Variants in COL4A5 observed in about 807,000 individuals in gnomAD.
COL4A5 encodes the protein collagen alpha-5(IV) chain.
A neutral mutation model predicts 130.2 loss-of-function variants in COL4A5; 26 were observed. The observed-to-expected ratio is 0.20, with a 90% CI of 0.15 to 0.28. COL4A5 has a LOEUF of 0.28. Ranked by LOEUF, COL4A5 falls within the 10% of genes least tolerant of loss-of-function variation. COL4A5 has a pLI of 1.00. For synonymous variants in COL4A5, 496 were observed against 439.6 expected (o/e 1.13, Z -1.60); for missense variants, 1,131 against 1,344.3 (o/e 0.84, Z 2.48).
chrX:108,655,571 G>C, intron 37 of COL4A5, 114 bp downstream of exon 37: 1 of 851,426 alleles, frequency 1.2e-6, no homozygotes, highest in Non-Finnish European at 1.7e-6. Context: ...ATCAGATACT[G>C]ACTAGCAACA....
At chrX:108,506,710 C>T (rs1015857382) in intron 1 of COL4A5, among the ~76,000 whole-genome samples, 1 of 110,859 alleles carries the variant, frequency 9.0e-6, no homozygotes. Context: ...CCTAATGGTA[C>T]GATTTGGTTC....
intron 1 of COL4A5, among the ~76,000 whole-genome samples, chrX:108,487,511 A>G (rs1326065046): frequency 9.1e-6 from 1 of 110,380 alleles, no homozygotes; most frequent in Admixed American, 9.6e-5. Context: ...AGATGGTATC[A>G]CATGGTGGTT....
chrX:108,492,276 TTC>T (rs1274008609), intron 1 of COL4A5, among the ~76,000 whole-genome samples: 4 of 111,750 alleles, frequency 3.6e-5, no homozygotes, highest in African/African-American at 1.3e-4. Flanking sequence ...TTTAGGAAAT[TTC>T]TGTTTCAAAT....
At position 108,604,064 on chromosome X, in the gene COL4A5, A is replaced by G. The variant is rs140266754; in HGVS notation, c.2244+1003A>G. Among the ~76,000 whole-genome samples the G allele has an allele frequency of 5.1e-3, 571 of 112,111 alleles. 1 individual carries two copies. Among genetic ancestry groups the G allele is most frequent in the Non-Finnish European group, 7.5e-3 (399 of 53,210 alleles). On this transcript the variant is annotated intron_variant, in intron 28 of 52. Transcript: ENST00000328300. Reference sequence around the variant, plus strand: ...AGTTACTTACTCCATTGAAGTCTTGAAACCCTCAAAGTCATCTGTGAGAGT... The same window carrying G: ...AGTTACTTACTCCATTGAAGTCTTGGAACCCTCAAAGTCATCTGTGAGAGT...
At position 108,439,908 on chromosome X, in the gene COL4A5, C is replaced by T; in HGVS notation, c.-218C>T. 5 of 422,753 alleles carry T rather than the reference C, an allele frequency of 1.2e-5. No homozygotes were observed. The highest frequency in any genetic ancestry group is 2.1e-5 in the Non-Finnish European group (5 of 243,736). 34.8% of individuals were successfully genotyped at this position (422,753 alleles called of 1,213,427 possible). ...GAAGGGAAAAGTTCTCCTGAGAGAC[C>T]GGCTTTGGGGAGGGGAGGGGGGAAG... On this transcript the variant is annotated 5_prime_UTR_variant, in exon 1 of 53. Coordinates refer to ENST00000328300, the MANE Select transcript of COL4A5 (RefSeq NM_033380.3).
At chrX:108,457,771 A>G (rs1255680334) in intron 1 of COL4A5, among the ~76,000 whole-genome samples, 2 of 111,237 alleles carry the variant, frequency 1.8e-5, no homozygotes, top group East Asian at 5.6e-4. Flanking sequence ...TCACTCATCT[A>G]TTTTCTGTTC....
At position 108,547,910 on chromosome X, in the gene COL4A5, G is replaced by T. The variant is rs578132442; in HGVS notation, c.141+8105G>T. On this transcript the variant is annotated intron_variant, in intron 2 of 52. Coordinates refer to ENST00000328300, the MANE Select transcript of COL4A5 (RefSeq NM_033380.3). ...CGTGGGTTTAGGACCCTCCGAGCCAGGCACGGGATATAATCTCCTGGTGTA... is the reference window on the plus strand; with the variant it reads ...CGTGGGTTTAGGACCCTCCGAGCCATGCACGGGATATAATCTCCTGGTGTA... Among the ~76,000 whole-genome samples, 22 of 112,175 alleles carry T rather than the reference G, an allele frequency of 2.0e-4. No homozygotes were observed. In the South Asian group the frequency reaches 7.1e-3, roughly 36 times the overall value.
intron 36 of COL4A5, among the ~76,000 whole-genome samples, chrX:108,644,827 G>C (rs111369153): frequency 4.7e-4 from 50 of 107,197 alleles, no homozygotes; most frequent in African/African-American, 1.7e-3. Context: ...TTGAACCCGG[G>C]AGGCGGAGGT....
chrX:108,449,269 T>C (rs1235150518), intron 1 of COL4A5, among the ~76,000 whole-genome samples: 1 of 111,915 alleles, frequency 8.9e-6, no homozygotes, highest in Non-Finnish European at 1.9e-5. Context: ...GAAGAAACAG[T>C]TTCTATTTCA....
intron 4 of COL4A5, among the ~76,000 whole-genome samples, chrX:108,566,356 C>G (rs1049232072): frequency 9.1e-6 from 1 of 109,878 alleles, no homozygotes; most frequent in African/African-American, 3.3e-5. Flanking sequence ...AAGTTGACTC[C>G]TGTCCTGTGC....
At chrX:108,471,386 A>C (rs866368822) in intron 1 of COL4A5, among the ~76,000 whole-genome samples, 1 of 111,270 alleles carries the variant, frequency 9.0e-6, no homozygotes, top group African/African-American at 3.3e-5. Context: ...ATATTCCTAC[A>C]TATTTTTTGG....
At chrX:108,668,238 T>G in intron 40 of COL4A5, 81 bp from the exon 41 acceptor site, 1 of 939,788 alleles carries the variant, frequency 1.1e-6, no homozygotes, top group Middle Eastern at 3.8e-4. Flanking sequence ...TTAATTGCCC[T>G]AATGTATGTG....
At chrX:108,500,317 A>C (rs766048856) in intron 1 of COL4A5, among the ~76,000 whole-genome samples, 1 of 111,939 alleles carries the variant, frequency 8.9e-6, no homozygotes, top group Non-Finnish European at 1.9e-5. Context: ...AGAATTGCCA[A>C]ATGGGGCACT....
intron 29 of COL4A5, 45 bp from the exon 30 acceptor site, chrX:108,614,866 C>T: frequency 2.2e-6 from 2 of 928,750 alleles, no homozygotes; most frequent in Non-Finnish European, 3.1e-6. Flanking sequence ...GGACTAGTGA[C>T]TCAGGTGTTG....
At chrX:108,544,966 C>A (rs970798246) in intron 2 of COL4A5, among the ~76,000 whole-genome samples, 2 of 111,528 alleles carry the variant, frequency 1.8e-5, no homozygotes, top group African/African-American at 6.5e-5. Context: ...TCTCCTTTAT[C>A]ATTTTTTATT....
chrX:108,664,186 A>C (rs1456881994), intron 37 of COL4A5, among the ~76,000 whole-genome samples: 1 of 112,116 alleles, frequency 8.9e-6, no homozygotes, highest in East Asian at 2.8e-4. Flanking sequence ...CTCCATTACA[A>C]AAAGAAAAAA....
chrX:108,555,159 G>A (rs1434136319), intron 2 of COL4A5, among the ~76,000 whole-genome samples: 2 of 111,875 alleles, frequency 1.8e-5, no homozygotes, highest in African/African-American at 6.5e-5. Context: ...AGTGGCATCA[G>A]CATTTACTGG....
At chrX:108,545,495 T>A (rs1233277224) in intron 2 of COL4A5, among the ~76,000 whole-genome samples, 1 of 111,899 alleles carries the variant, frequency 8.9e-6, no homozygotes, top group Non-Finnish European at 1.9e-5. Flanking sequence ...ATTTCTGTTC[T>A]TTTACATTTG....
intron 1 of COL4A5, among the ~76,000 whole-genome samples, chrX:108,485,467 G>A (rs1372550173): frequency 1.8e-5 from 2 of 111,303 alleles, no homozygotes; most frequent in Non-Finnish European, 3.8e-5. Context: ...GTACTACCTG[G>A]GTAGCTGGGT....
Sources: allele counts gnomAD v4.1 joint callset (sites outside exome capture counted in the v4.1 genomes callset), GRCh38; gene constraint gnomAD v4.1.1; transcripts MANE v1.5; gene names NCBI Gene and HGNC (gene_info 2026-07-23, HGNC 2026-07-21).